Variants in NXPH1 observed in about 807,000 individuals in gnomAD.
NXPH1 encodes the protein neurexophilin-1.
In NXPH1, 5 loss-of-function variants were observed where a neutral mutation model predicts 23.7. That is an observed-to-expected ratio of 0.21 (90% CI 0.11 to 0.44). The LOEUF (loss-of-function observed/expected upper bound fraction) is 0.44, where lower values mean the gene tolerates loss of function less well. NXPH1 is among the 20% of genes least tolerant of loss of function. The pLI, the probability that NXPH1 is intolerant of heterozygous loss-of-function variation, is 0.99. For synonymous variants in NXPH1, 144 were observed against 122.2 expected (o/e 1.18, Z -1.18); for missense variants, 324 against 321.6 (o/e 1.01, Z -0.06).
intron 2 of NXPH1, among the ~76,000 whole-genome samples, chr7:8,641,512 C>A (rs1240492323): frequency 6.6e-6 from 1 of 152,148 alleles, no homozygotes; most frequent in Non-Finnish European, 1.5e-5. Flanking sequence ...AACAACACTA[C>A]TCCACTCCAA....
At chr7:8,452,179 C>A (rs117352174) in intron 2 of NXPH1, among the ~76,000 whole-genome samples, 1 of 152,162 alleles carries the variant, frequency 6.6e-6, no homozygotes, top group African/African-American at 2.4e-5. Flanking sequence ...TGACTCTCAC[C>A]AGAATACGTT....
At chr7:8,711,428 A>G (rs145693242) in intron 2 of NXPH1, among the ~76,000 whole-genome samples, 3 of 152,300 alleles carry the variant, frequency 2.0e-5, no homozygotes, top group African/African-American at 7.2e-5. Context: ...CATGTAAGTT[A>G]AAATAAAGGC....
chr7:8,560,115 C>T (rs1818416343), intron 2 of NXPH1, among the ~76,000 whole-genome samples: 1 of 151,706 alleles, frequency 6.6e-6, no homozygotes, highest in African/African-American at 2.4e-5. Context: ...TAATATAACT[C>T]ATTGCTGCAC....
chr7:8,492,202 T>C (rs1189505161), intron 2 of NXPH1, among the ~76,000 whole-genome samples: 1 of 152,118 alleles, frequency 6.6e-6, no homozygotes, highest in Non-Finnish European at 1.5e-5. Context: ...TTAGATTTTT[T>C]CCTTTTGTCA....
chr7:8,445,361 TAC>T (rs1280127158), intron 2 of NXPH1, among the ~76,000 whole-genome samples: 3 of 152,196 alleles, frequency 2.0e-5, no homozygotes, highest in Non-Finnish European at 4.4e-5. Context: ...ACTGGAAATG[TAC>T]ACTATGGTAA....
chr7:8,716,902 T>A (rs1779887387), intron 2 of NXPH1, among the ~76,000 whole-genome samples: 1 of 152,208 alleles, frequency 6.6e-6, no homozygotes, highest in African/African-American at 2.4e-5. Context: ...CCCAGGATTA[T>A]TTCTTCACCT....
intron 2 of NXPH1, among the ~76,000 whole-genome samples, chr7:8,549,465 T>C (rs1164024970): frequency 6.6e-6 from 1 of 151,562 alleles, no homozygotes; most frequent in African/African-American, 2.4e-5. Context: ...GAAGCTTCTG[T>C]CAATAATAAA....
At chr7:8,672,138 T>A (rs1465377183) in intron 2 of NXPH1, among the ~76,000 whole-genome samples, 1 of 152,190 alleles carries the variant, frequency 6.6e-6, no homozygotes, top group African/African-American at 2.4e-5. Flanking sequence ...CATGGAATAC[T>A]ATGCAGCCAT....
intron 2 of NXPH1, among the ~76,000 whole-genome samples, chr7:8,715,569 TTGCTATAATCAGTTATAA>T: frequency 6.6e-6 from 1 of 152,168 alleles, no homozygotes; most frequent in Non-Finnish European, 1.5e-5. Flanking sequence ...TCCTTTCAGG[TTGCTATAATCAGTTATAA>T]AAAGGCAAAA....
chr7:8,572,406 T>C (rs542279325), intron 2 of NXPH1, among the ~76,000 whole-genome samples: 1 of 152,122 alleles, frequency 6.6e-6, no homozygotes, highest in East Asian at 1.9e-4. Flanking sequence ...CTGGAAAAAT[T>C]ATGCCATGAT....
At position 8,710,820 on chromosome 7, in the gene NXPH1, G is replaced by A. The variant is rs1458604751; in HGVS notation, c.55-40188G>A. 3.7e-5 allele frequency among the ~76,000 whole-genome samples: 5 copies of A among 136,830 alleles called. 2 individuals are homozygous for A. The highest frequency in any genetic ancestry group is 6.3e-5 in the African/African-American group (2 of 31,734). 89.8% of individuals were successfully genotyped at this position (136,830 alleles called of 152,430 possible). On this transcript the variant is annotated intron_variant, in intron 2 of 2. Transcript: ENST00000405863. ...TGGGACTACAGGCGCCCGCCACCGC[G>A]CCCGGCTAATTTTTTGTATTTTTAG...
chr7:8,516,374 T>C (rs1817688185), intron 2 of NXPH1, among the ~76,000 whole-genome samples: 1 of 152,142 alleles, frequency 6.6e-6, no homozygotes, highest in Non-Finnish European at 1.5e-5. Context: ...AAGAAACCAG[T>C]TACTCAGAAT....
chr7:8,489,246 C>A (rs144284072), intron 2 of NXPH1, among the ~76,000 whole-genome samples: 4 of 152,110 alleles, frequency 2.6e-5, no homozygotes, highest in Non-Finnish European at 5.9e-5. Context: ...ATACAGAACT[C>A]TCTGGAAAGG....
intron 2 of NXPH1, among the ~76,000 whole-genome samples, chr7:8,448,751 G>T (rs1046162086): frequency 6.6e-6 from 1 of 150,760 alleles, no homozygotes; most frequent in Non-Finnish European, 1.5e-5. Context: ...GGAGGGGGAG[G>T]TTGCCATGAG....
intron 2 of NXPH1, among the ~76,000 whole-genome samples, chr7:8,560,801 C>T (rs539675096): frequency 2.0e-5 from 3 of 151,740 alleles, no homozygotes; most frequent in Admixed American, 1.3e-4. Context: ...CATTTAGCTC[C>T]CACATACTTA....
chr7:8,725,441 G>T (rs1053822395), intron 2 of NXPH1, among the ~76,000 whole-genome samples: 18 of 147,384 alleles, frequency 1.2e-4, no homozygotes, highest in African/African-American at 4.5e-4. Flanking sequence ...AGTGAGCTGA[G>T]ATCCAGCCAC....
At chr7:8,550,367 G>T (rs6463819) in intron 2 of NXPH1, among the ~76,000 whole-genome samples, 19,254 of 151,496 alleles carry the variant, frequency 0.13, 1,918 homozygotes, top group African/African-American at 0.27. Context: ...AAAACAAAAT[G>T]GATAATATAT....
intron 2 of NXPH1, among the ~76,000 whole-genome samples, chr7:8,449,061 T>C (rs10270530): frequency 0.5 from 75,588 of 152,076 alleles, 20,307 homozygotes; most frequent in East Asian, 0.75. Flanking sequence ...ATCTTAAAAT[T>C]TGCACACAGT....
rs541610618 is a variant in NXPH1 at position 8,555,442 on chromosome 7, C to T, written c.54+119675C>T. 1.9e-3 allele frequency among the ~76,000 whole-genome samples: 285 copies of T among 151,782 alleles called. 2 individuals carry two copies. The highest frequency in any genetic ancestry group is 3.4e-3 in the Non-Finnish European group (227 of 67,742). On this transcript the variant is annotated intron_variant, in intron 2 of 2. Coordinates refer to ENST00000405863, the MANE Select transcript of NXPH1 (RefSeq NM_152745.3). The stretch of plus-strand genomic sequence containing the variant: ...GATTCCACAAAAGAGATGACACAGA[C>T]TGCTGAGTAAAACACAGCAAGCCAG...
Sources: gnomAD v4.1 joint callset for allele counts (sites outside exome capture counted in the v4.1 genomes callset) on GRCh38, gnomAD v4.1.1 for gene constraint, MANE v1.5 for transcripts, NCBI Gene and HGNC (gene_info 2026-07-23, HGNC 2026-07-21) for gene names.